MAPT: variants seen among roughly 807,000 people sequenced by gnomAD.
The protein encoded by MAPT is microtubule associated protein tau, also known as microtubule-associated protein tau.
A neutral mutation model predicts 67.9 loss-of-function variants in MAPT; 34 were observed. The observed-to-expected ratio is 0.50, with a 90% CI of 0.38 to 0.67. The LOEUF (loss-of-function observed/expected upper bound fraction) is 0.67, where lower values mean the gene tolerates loss of function less well. Ranked by LOEUF, MAPT falls within the 30% of genes least tolerant of loss-of-function variation. The pLI is 0.00. For missense variants in MAPT, 881 were observed against 1,115.2 expected, an observed-to-expected ratio of 0.79 and a Z score of 2.99; for synonymous variants, 456 against 464.5, an observed-to-expected ratio of 0.98 and a Z score of 0.23.
intron 1 of MAPT, among the ~76,000 whole-genome samples, chr17:45,935,215 A>G (rs1234989303): frequency 6.6e-6 from 1 of 152,030 alleles, no homozygotes; most frequent in Non-Finnish European, 1.5e-5. Flanking sequence ...GGCAGCCCCT[A>G]CTGGGGGCTG....
intron 1 of MAPT, among the ~76,000 whole-genome samples, chr17:45,946,615 A>AAAAAAAAATATATATAT: frequency 2.0e-5 from 2 of 100,408 alleles, no homozygotes; most frequent in African/African-American, 4.4e-5. Flanking sequence ...AAAAAAAAAA[A>AAAAAAAAATATATATAT]ATATATATAT....
intron 9 of MAPT, among the ~76,000 whole-genome samples, chr17:46,009,297 C>T (rs937718422): frequency 1.3e-5 from 2 of 152,218 alleles, no homozygotes; most frequent in Admixed American, 1.3e-4. Context: ...AAGACGTTCT[C>T]ACTGATCTGG....
chr17:45,986,466 G>A (rs935915806), intron 5 of MAPT, among the ~76,000 whole-genome samples: 6 of 152,216 alleles, frequency 3.9e-5, no homozygotes, highest in Non-Finnish European at 7.3e-5. Context: ...GGGGAGCCGG[G>A]TGGTTCCAGG....
chr17:45,949,079 T>A (rs2068790407), intron 1 of MAPT, among the ~76,000 whole-genome samples: 1 of 152,258 alleles, frequency 6.6e-6, no homozygotes, highest in Non-Finnish European at 1.5e-5. Context: ...TTCACAAGGC[T>A]GTGCAGCCTT....
intron 9 of MAPT, among the ~76,000 whole-genome samples, chr17:46,002,577 A>G (rs1359841003): frequency 2.0e-5 from 3 of 152,160 alleles, no homozygotes; most frequent in African/African-American, 7.2e-5. Flanking sequence ...GAGGATGTCC[A>G]GGCCAATAGT....
intron 1 of MAPT, chr17:45,895,867 C>T (rs76324150): frequency 0.14 from 21,842 of 152,338 alleles, 2,142 homozygotes; most frequent in Non-Finnish European, 0.22. Context: ...AGGGCGGGGC[C>T]TGGCATTAAA....
chr17:45,983,961 C>G (rs1425274935), intron 5 of MAPT, 31 bp downstream of exon 5: 2 of 1,516,420 alleles, frequency 1.3e-6, no homozygotes, highest in South Asian at 2.7e-5. Flanking sequence ...CGCTCCTTCC[C>G]TGGGGACCTC....
At chr17:46,011,891 G>A (rs993172564) in intron 10 of MAPT, among the ~76,000 whole-genome samples, 7 of 152,152 alleles carry the variant, frequency 4.6e-5, no homozygotes, top group Admixed American at 3.9e-4. Context: ...GGTAGCAAGC[G>A]CTTGCCCTGC....
At position 45,908,942 on chromosome 17, in the gene MAPT, G is replaced by A. The variant is rs114210281; in HGVS notation, c.-18+14256G>A. On this transcript the variant is annotated intron_variant, in intron 1 of 12. Coordinates refer to ENST00000262410, the MANE Select transcript of MAPT (RefSeq NM_001377265.1). The stretch of plus-strand genomic sequence containing the variant: ...AGCCTATAAATTGTATTAAGGGTGA[G>A]TACTGAGTCATTCTTCAAGAAAAGT... 4.5e-3 allele frequency among the ~76,000 whole-genome samples: 691 copies of A among 152,302 alleles called. 5 individuals are homozygous for A. The highest frequency in any genetic ancestry group is 0.016 in the African/African-American group (673 of 41,548).
chr17:45,974,354 C>G, intron 3 of MAPT: 1 of 1,500,218 alleles, frequency 6.7e-7, no homozygotes. Context: ...CTCGTCCTGG[C>G]CCCTCTAAGG....
Position 46,014,269 on chromosome 17 carries a change from C to T in MAPT, c.2118C>T (p.Asp706=). Reference sequence around the variant, plus strand: ...TGCAAATAGTCTACAAACCAGTTGACCTGAGCAAGGTGACCTCCAAGTGTG... The same window carrying T: ...TGCAAATAGTCTACAAACCAGTTGATCTGAGCAAGGTGACCTCCAAGTGTG... ...GSVQIVYKPV[D]LSKVTSKCGS... is the part of the protein sequence containing the mutation. Residue 706 remains aspartate, a synonymous_variant, in exon 11 of 13, where the codon GAC becomes GAT. Coordinates refer to ENST00000262410, the MANE Select transcript of MAPT (RefSeq NM_001377265.1). 6.2e-7 allele frequency: 1 copy of T among 1,613,860 alleles called. No homozygotes were observed. The highest frequency in any genetic ancestry group is 8.5e-7 in the Non-Finnish European group (1 of 1,179,764).
rs1555719286 is a variant in MAPT at position 46,009,363 on chromosome 17, T to TCTTCCCCACAAAGCGGCCTGTG, written c.1999-947_1999-946insCTTCCCCACAAAGCGGCCTGTG. On this transcript the variant is annotated intron_variant, in intron 9 of 12. Coordinates refer to ENST00000262410, the MANE Select transcript of MAPT (RefSeq NM_001377265.1). ...TAAACCATGGTTTTCTATTTCATAG[T>TCTTCCCCACAAAGCGGCCTGTG]TCTTAGGCAAATTGGTAAAAATCAT... Among the ~76,000 whole-genome samples, 73 of 114,570 alleles carry TCTTCCCCACAAAGCGGCCTGTG rather than the reference T, an allele frequency of 6.4e-4. 1 individual carries two copies. The highest frequency in any genetic ancestry group is 1.2e-3 in the Admixed American group (13 of 10,648). The allele number at this position is 114,570 out of a possible 152,430, so 75.2% of individuals were successfully genotyped here.
intron 1 of MAPT, among the ~76,000 whole-genome samples, chr17:45,899,480 G>C (rs937838579): frequency 6.6e-6 from 1 of 152,178 alleles, no homozygotes; most frequent in African/African-American, 2.4e-5. Context: ...TCTCCGTGAT[G>C]GGGAAACTGA....
chr17:45,925,749 T>G (rs2144550708), intron 1 of MAPT, among the ~76,000 whole-genome samples: 1 of 150,280 alleles, frequency 6.7e-6, no homozygotes, highest in African/African-American at 2.4e-5. Context: ...TTAACTATGT[T>G]TTAGAATGCA....
At position 46,024,571 on chromosome 17, in the gene MAPT, G is replaced by C; in HGVS notation, c.*400G>C. 1 of 332,674 alleles carries C rather than the reference G, an allele frequency of 3.0e-6. No individual in the cohort carries two copies. The highest frequency in any genetic ancestry group is 5.8e-6 in the Non-Finnish European group (1 of 173,066). 20.6% of individuals were successfully genotyped at this position (332,674 alleles called of 1,614,324 possible). On this transcript the variant is annotated 3_prime_UTR_variant, in exon 13 of 13. Transcript: ENST00000262410. The stretch of plus-strand genomic sequence containing the variant: ...GGACTGGGGGTGCCAACCACCTCTG[G>C]CCCTGTTGTGGGGGTGTCACAGAGG...
At chr17:46,003,061 G>C (rs1245197914) in intron 9 of MAPT, among the ~76,000 whole-genome samples, 3 of 151,424 alleles carry the variant, frequency 2.0e-5, no homozygotes, top group African/African-American at 4.9e-5. Context: ...TGGGATTACA[G>C]GTGTGAGCCA....
At chr17:45,918,068 C>G (rs906733959) in intron 1 of MAPT, among the ~76,000 whole-genome samples, 11 of 152,162 alleles carry the variant, frequency 7.2e-5, no homozygotes, top group South Asian at 4.1e-4. Context: ...GCCACCATGC[C>G]CAGCCAGCAT....
At chr17:46,015,040 A>G (rs1032368180) in intron 11 of MAPT, among the ~76,000 whole-genome samples, 91 of 152,294 alleles carry the variant, frequency 6.0e-4, no homozygotes, top group African/African-American at 2.2e-3. Context: ...TGATAGTGCA[A>G]CAGGGTGACT....
chr17:45,928,626 A>G (rs898851216), intron 1 of MAPT, among the ~76,000 whole-genome samples: 10 of 152,256 alleles, frequency 6.6e-5, no homozygotes, highest in African/African-American at 2.2e-4. Flanking sequence ...CCCTAGGCCA[A>G]TTGGATCCAA....
Sources: allele counts gnomAD v4.1 joint callset (sites outside exome capture counted in the v4.1 genomes callset), GRCh38; gene constraint gnomAD v4.1.1; transcripts MANE v1.5; gene names NCBI Gene and HGNC (gene_info 2026-07-23, HGNC 2026-07-21).